UNC79: variants seen among roughly 807,000 people sequenced by gnomAD.
UNC79 encodes protein unc-79 homolog.
A neutral mutation model predicts 283.1 loss-of-function variants in UNC79; 37 were observed. That is an observed-to-expected ratio of 0.13 (90% CI 0.10 to 0.17). UNC79 has a LOEUF of 0.17. UNC79 is among the 10% of genes least tolerant of loss of function. The pLI is 1.00. For missense variants in UNC79, 2,272 were observed against 3,211.1 expected, an observed-to-expected ratio of 0.71 and a Z score of 7.07; for synonymous variants, 1,107 against 1,200.2, an observed-to-expected ratio of 0.92 and a Z score of 1.61.
chr14:93,510,286 C>T (rs2059759011), intron 7 of UNC79, among the ~76,000 whole-genome samples: 2 of 152,338 alleles, frequency 1.3e-5, no homozygotes, highest in Non-Finnish European at 2.9e-5. Flanking sequence ...AAGAAATTTT[C>T]CCCATTGTCT....
chr14:93,622,821 T>C (rs1218535079), exon 30 of UNC79: 3 of 1,613,570 alleles, frequency 1.9e-6, no homozygotes, highest in South Asian at 1.1e-5. Context: ...CTGGACAAAC[T>C]GGGAGAACAG....
chr14:93,628,694 A>G (rs2067764241), intron 30 of UNC79, among the ~76,000 whole-genome samples: 1 of 152,214 alleles, frequency 6.6e-6, no homozygotes, highest in Admixed American at 6.6e-5. Context: ...TCTTCCCATC[A>G]CTATAAAAAT....
At chr14:93,598,400 GTGTGTGTGT>G (rs2065242267) in intron 24 of UNC79, among the ~76,000 whole-genome samples, 9 of 151,618 alleles carry the variant, frequency 5.9e-5, no homozygotes, top group Admixed American at 1.3e-4. Context: ...GTGTGTGTGT[GTGTGTGTGT>G]GGCAGATTTT....
At chr14:93,460,400 C>T (rs1180748961) in intron 1 of UNC79, among the ~76,000 whole-genome samples, 1 of 151,028 alleles carries the variant, frequency 6.6e-6, no homozygotes, top group Non-Finnish European at 1.5e-5. Context: ...ATCCCAGCTA[C>T]TCAGGAGGCT....
At chr14:93,673,252 T>C (rs1320282715) in intron 40 of UNC79, 99 bp from the exon 44 acceptor site, 1 of 1,028,600 alleles carries the variant, frequency 9.7e-7, no homozygotes, top group East Asian at 2.5e-5. Flanking sequence ...TACTGTTTTT[T>C]ATTTCTGACC....
At chr14:93,473,406 A>T (rs1365358879) in intron 2 of UNC79, among the ~76,000 whole-genome samples, 1 of 152,230 alleles carries the variant, frequency 6.6e-6, no homozygotes, top group African/African-American at 2.4e-5. Flanking sequence ...ATATTATTTT[A>T]TAGCTTTTCC....
At chr14:93,487,594 T>C in intron 4 of UNC79, 69 bp from the exon 5 acceptor site, 1 of 1,309,300 alleles carries the variant, frequency 7.6e-7, no homozygotes, top group South Asian at 1.4e-5. Context: ...TTATCTCTCA[T>C]GCTCTGTGCA....
In UNC79 at chr14:93,593,768, G is replaced by A. The variant is rs777433410; in HGVS notation, c.3121G>A (p.Ala1041Thr). 1.4e-5 allele frequency: 22 copies of A among 1,614,044 alleles called. No individual in the cohort carries two copies. In the Middle Eastern group the frequency reaches 4.9e-4, roughly 36 times the overall value. The change falls in exon 23 of 49, where the codon GCT becomes ACT. Residue 1041 changes from alanine (A) to threonine (T), a missense_variant. Ala to Thr is a moderately conservative substitution (Grantham distance 58, BLOSUM62 0). Transcript: ENST00000555664. Reference sequence around the variant, plus strand: ...CCATGCCCTGTCACTTCCTCATGGTGCTGACATCTTCTGGACAATCATAAA... The same window carrying A: ...CCATGCCCTGTCACTTCCTCATGGTACTGACATCTTCTGGACAATCATAAA...
intron 14 of UNC79, among the ~76,000 whole-genome samples, chr14:93,568,542 C>T (rs924910755): frequency 1.4e-4 from 21 of 151,854 alleles, no homozygotes; most frequent in African/African-American, 2.9e-4. Context: ...GGTGTGGTGG[C>T]GGGTGGCTGT....
At chr14:93,414,406 A>T (rs1354835616) in intron 1 of UNC79, among the ~76,000 whole-genome samples, 2 of 152,080 alleles carry the variant, frequency 1.3e-5, no homozygotes, top group Non-Finnish European at 2.9e-5. Flanking sequence ...TGGTACCAGT[A>T]CCATACTGTT....
At chr14:93,550,892 A>G (rs2061858535) in intron 14 of UNC79, among the ~76,000 whole-genome samples, 1 of 152,194 alleles carries the variant, frequency 6.6e-6, no homozygotes, top group African/African-American at 2.4e-5. Flanking sequence ...TGTAATGGAA[A>G]TTAATATGGG....
chr14:93,348,082 T>C (rs1157788430), intron 1 of UNC79: 24 of 1,612,310 alleles, frequency 1.5e-5, no homozygotes, highest in Non-Finnish European at 2.0e-5. Context: ...ACCAGCTGCA[T>C]ATGTGCTAGG....
chr14:93,404,362 T>C, intron 1 of UNC79, among the ~76,000 whole-genome samples: 1 of 149,206 alleles, frequency 6.7e-6, no homozygotes, highest in Non-Finnish European at 1.5e-5. Flanking sequence ...TGATGGCATG[T>C]ACCTGTAGTC....
At chr14:93,333,534 G>A (rs2053502548) in intron 1 of UNC79, 1 of 398,170 alleles carries the variant, frequency 2.5e-6, no homozygotes, top group Non-Finnish European at 4.4e-6. Flanking sequence ...GTAAGCACTT[G>A]TCTGCATGGT....
chr14:93,368,830 A>G (rs772303784), intron 1 of UNC79, among the ~76,000 whole-genome samples: 6 of 152,228 alleles, frequency 3.9e-5, no homozygotes, highest in South Asian at 2.1e-4. Flanking sequence ...ACAAAATAGT[A>G]TACCTTAGCA....
rs2061935799 is a variant in UNC79, at chr14:93,552,221, G to A, written c.1755+9525G>A. Among the ~76,000 whole-genome samples, 6 of 152,294 alleles carry A rather than the reference G, an allele frequency of 3.9e-5. No homozygotes were observed. The South Asian group carries it at 1.0e-3, about 26-fold the overall frequency. On this transcript the variant is annotated intron_variant, in intron 14 of 48. Coordinates refer to ENST00000555664, the Ensembl canonical transcript of UNC79. ...CTGGAGAATGAGTCTCCTGGTGTGT[G>A]AAATATAAGGCAAACATACTTTTAA...
At chr14:93,680,854 T>C (rs1301370231) in intron 41 of UNC79, among the ~76,000 whole-genome samples, 1 of 152,188 alleles carries the variant, frequency 6.6e-6, no homozygotes, top group African/African-American at 2.4e-5. Flanking sequence ...TGGGAAAACA[T>C]GCAATCTCTA....
intron 40 of UNC79, among the ~76,000 whole-genome samples, chr14:93,665,229 AAAAAG>A (rs2072053671): frequency 6.6e-6 from 1 of 150,662 alleles, no homozygotes; most frequent in Admixed American, 6.6e-5. Context: ...ATTTCAAAAA[AAAAAG>A]AAAATAAACC....
rs576756342 is a variant in UNC79, at chr14:93,465,456, G to A, written c.23-2215G>A. The stretch of plus-strand genomic sequence containing the variant: ...CAAGCTGGTATAGAAAAACAAGCAG[G>A]TAAGTACACAGAGACAATGCAATAT... On this transcript the variant is annotated intron_variant, in intron 1 of 48. Coordinates refer to ENST00000555664, the Ensembl canonical transcript of UNC79. 7.9e-5 allele frequency among the ~76,000 whole-genome samples: 12 copies of A among 152,232 alleles called. No individual in the cohort carries two copies. In the South Asian group the frequency reaches 2.3e-3, roughly 29 times the overall value.
Sources: gnomAD v4.1 joint callset for allele counts (sites outside exome capture counted in the v4.1 genomes callset) on GRCh38, gnomAD v4.1.1 for gene constraint, MANE v1.5 for transcripts, NCBI Gene and HGNC (gene_info 2026-07-23, HGNC 2026-07-21) for gene names.